The following PER2 variants were observed in gnomAD, a reference collection of about 807,000 sequenced individuals.
PER2 encodes period circadian protein homolog 2.
PER2 carries 66 observed loss-of-function variants against 121.0 expected under a neutral mutation model. That is an observed-to-expected ratio of 0.55 (90% confidence interval 0.45 to 0.67). The LOEUF (loss-of-function observed/expected upper bound fraction) is 0.67. PER2 is among the 30% of genes least tolerant of loss of function. PER2 has a pLI of 0.00. For missense variants in PER2, 1,521 were observed against 1,635.0 expected (o/e 0.93, Z 1.20); for synonymous variants, 684 against 659.9 (o/e 1.04, Z -0.56).
chr2:238,275,856 A>G lies in PER2; in HGVS notation c.335T>C (p.Ile112Thr). The G allele has an allele frequency of 1.2e-6, 2 of 1,614,184 alleles. No individual in the cohort carries two copies. The highest frequency in any genetic ancestry group is 1.7e-6 in the Non-Finnish European group (2 of 1,180,018). ...GACCTTCAGCTCCTTTAGTGTTTTT[A>G]TCAGTTCTTTGTGTGTGTCCACTTT... ...SSKVDTHKEL[I>T]KTLKELKVHL... Residue 112 changes from isoleucine to threonine, a missense_variant, in exon 4 of 23, where the codon ATA becomes ACA. Ile to Thr is a moderately conservative substitution (Grantham distance 89). Transcript: ENST00000254657.
chr2:238,299,496 C>G, the PER2 span: 1 of 152,140 alleles, frequency 6.6e-6, no homozygotes, highest in African/African-American at 2.4e-5. Context: ...GAGTCGAGAT[C>G]ACGCCACTGC....
upstream of PER2, among the ~76,000 whole-genome samples, chr2:238,293,111 A>C (rs1398290637): frequency 1.3e-5 from 2 of 151,736 alleles, no homozygotes; most frequent in Non-Finnish European, 2.9e-5. Context: ...TTACTTCAAA[A>C]ATACCTCTCC....
At position 238,265,732 on chromosome 2, in the gene PER2, A is replaced by G. The variant is rs1370763890; in HGVS notation, c.968-142T>C. On this transcript the variant is annotated intron_variant, in intron 8 of 22. Coordinates refer to ENST00000254657, the MANE Select transcript of PER2 (RefSeq NM_022817.3). Reference sequence around the variant, plus strand: ...AATTAAAACATGGACTCTGAACAACAGAGACTGCCACACTGAGAACCTTAT... The same window carrying G: ...AATTAAAACATGGACTCTGAACAACGGAGACTGCCACACTGAGAACCTTAT... 42 of 651,590 alleles carry G rather than the reference A, an allele frequency of 6.4e-5. No individual in the cohort carries two copies. The East Asian group carries it at 1.2e-3, about 18-fold the overall frequency. 40.4% of individuals were successfully genotyped at this position (651,590 alleles called of 1,614,324 possible).
At chr2:238,291,169 G>T (rs748662553), upstream of PER2, among the ~76,000 whole-genome samples, 2 of 152,214 alleles carry the variant, frequency 1.3e-5, no homozygotes, top group Non-Finnish European at 2.9e-5. Flanking sequence ...AGGTGGAGTG[G>T]TAAGCCAGGG....
In PER2 at chr2:238,245,042, T is replaced by TAAAAAAAA. The variant is rs71402776; in HGVS notation, c.*1325_*1332dup. On this transcript the variant is annotated 3_prime_UTR_variant, in exon 23 of 23. Transcript: ENST00000254657. Reference sequence around the variant, plus strand: ...AGCCTGGGCAAAAAGAAACTCCATCTAAAAAAAAAAAAAAAAAAAAAAAAA... The same window carrying TAAAAAAAA: ...AGCCTGGGCAAAAAGAAACTCCATCTAAAAAAAAAAAAAAAAAAAAAAAAAAAAAAAAA... 5 of 40,976 alleles carry TAAAAAAAA rather than the reference T, an allele frequency of 1.2e-4. No individual in the cohort carries two copies. Among genetic ancestry groups the TAAAAAAAA allele is most frequent in the South Asian group, 8.8e-4 (1 of 1,136 alleles). The allele number at this position is 40,976 out of a possible 1,614,324, so 2.5% of individuals were successfully genotyped here. A position where few individuals can be genotyped will look rare whatever the true frequency, so the allele number is the denominator to read the frequency against.
At chr2:238,256,213 A>G (rs1246418998) in intron 17 of PER2, among the ~76,000 whole-genome samples, 1 of 152,190 alleles carries the variant, frequency 6.6e-6, no homozygotes. Flanking sequence ...GGCTGTCCTT[A>G]GCTTTCAGAA....
chr2:238,264,616 A>C (rs545132481), intron 9 of PER2, among the ~76,000 whole-genome samples: 9 of 152,114 alleles, frequency 5.9e-5, no homozygotes, highest in Admixed American at 2.0e-4. Context: ...CCAGTGGCCC[A>C]CACATTTTTT....
rs754660511 is a variant in PER2, at chr2:238,280,394, CA to C, written c.-19-2440del. 1.7e-3 allele frequency among the ~76,000 whole-genome samples: 255 copies of C among 152,342 alleles called. 2 individuals carry two copies. The highest frequency in any genetic ancestry group is 2.7e-3 in the Non-Finnish European group (184 of 68,036). On this transcript the variant is annotated intron_variant, in intron 1 of 22. Coordinates refer to ENST00000254657, the MANE Select transcript of PER2 (RefSeq NM_022817.3). The stretch of plus-strand genomic sequence containing the variant: ...AAACTAATAAACAGAAGAAAGCCAA[CA>C]CGGGGCTGTGGAAAACACACACAGC...
intron 8 of PER2, among the ~76,000 whole-genome samples, chr2:238,267,237 C>T (rs905598663): frequency 1.3e-5 from 2 of 152,272 alleles, no homozygotes; most frequent in East Asian, 3.9e-4. Flanking sequence ...GGGATTTCGG[C>T]CAATACAAGG....
In PER2 at chr2:238,265,967, G is replaced by A. The variant is rs549596252; in HGVS notation, c.968-377C>T. On this transcript the variant is annotated intron_variant, in intron 8 of 22. Transcript: ENST00000254657. Reference sequence around the variant, plus strand: ...TGCCCAGGCTGCAGTGCAGTGGCACGATCTCGGCTCATTGCAACCTCCGCC... The same window carrying A: ...TGCCCAGGCTGCAGTGCAGTGGCACAATCTCGGCTCATTGCAACCTCCGCC... Among the ~76,000 whole-genome samples, 11 of 151,088 alleles carry A rather than the reference G, an allele frequency of 7.3e-5. No individual in the cohort carries two copies. In the South Asian group the frequency reaches 1.5e-3, roughly 20 times the overall value.
chr2:238,260,330 C>T (rs1695889481), intron 13 of PER2, among the ~76,000 whole-genome samples: 1 of 151,804 alleles, frequency 6.6e-6, no homozygotes, highest in South Asian at 2.1e-4. Context: ...AATCTTGTCT[C>T]TCTGCAACCT....
intron 1 of PER2, among the ~76,000 whole-genome samples, chr2:238,286,223 C>A (rs1240636414): frequency 6.6e-6 from 1 of 152,188 alleles, no homozygotes; most frequent in Non-Finnish European, 1.5e-5. Context: ...GGCATCTGCT[C>A]CTCCTGTACC....
Position 238,253,512 on chromosome 2 carries a change from G to T in PER2, c.2511C>A (p.Ser837=). 1 of 1,611,898 alleles carries T rather than the reference G, an allele frequency of 6.2e-7. No individual in the cohort carries two copies. The highest frequency in any genetic ancestry group is 2.2e-5 in the East Asian group (1 of 44,828). ...AGGGCACGGCTGGGCAGCTGGACTG[G>T]GACGTGTCTGAGGGTGACCAGGCTG... is the stretch of plus-strand genomic sequence containing the variant. ...NATAWSPSDT[S]QSSCPAVPFP... is the part of the protein sequence containing the mutation. The change falls in exon 19 of 23, where the codon TCC becomes TCA. Residue 837 remains serine, a synonymous_variant. Coordinates refer to ENST00000254657, the MANE Select transcript of PER2 (RefSeq NM_022817.3). This position sits in a 1 kb window ranked among gnomAD's most constrained non-coding sequence, Gnocchi z 5.6.
intron 5 of PER2, among the ~76,000 whole-genome samples, chr2:238,272,468 C>A (rs1696319114): frequency 6.6e-6 from 1 of 152,208 alleles, no homozygotes; most frequent in African/African-American, 2.4e-5. Flanking sequence ...TTGGGGGCTG[C>A]CTGGGGGTTA....
In PER2 at chr2:238,245,842, G is replaced by T. The variant is rs1358272830; in HGVS notation, c.*533C>A. On this transcript the variant is annotated 3_prime_UTR_variant, in exon 23 of 23. Transcript: ENST00000254657. ...AACAACGCTTCACACCATTTAATGT[G>T]AAACGTTTTGAAATAAAACTAGGAG... The T allele has an allele frequency of 2.5e-6, 1 of 393,946 alleles. No individual in the cohort carries two copies. Among genetic ancestry groups the T allele is most frequent in the Non-Finnish European group, 4.5e-6 (1 of 223,798 alleles). 24.4% of individuals were successfully genotyped at this position (393,946 alleles called of 1,614,324 possible).
rs749720713 is a variant in PER2 at position 238,252,649 on chromosome 2, C to G, written c.3111+263G>C. On this transcript the variant is annotated intron_variant, in intron 19 of 22. Coordinates refer to ENST00000254657, the MANE Select transcript of PER2 (RefSeq NM_022817.3). The surrounding 1 kb of genome is among the most constrained non-coding windows in gnomAD (Gnocchi z 4.2). ...TCGAAGCCCACAAATACTGTCAAGT[C>G]ACATGCTGCTTTCTGGAGTCTGTAT... Among the ~76,000 whole-genome samples the G allele has an allele frequency of 2.0e-5, 3 of 152,256 alleles. No individual in the cohort carries two copies. The highest frequency in any genetic ancestry group is 2.9e-5 in the Non-Finnish European group (2 of 68,050).
At position 238,251,628 on chromosome 2, in the gene PER2, A is replaced by G; in HGVS notation, c.3245T>C (p.Leu1082Pro). 3.7e-6 allele frequency: 6 copies of G among 1,614,180 alleles called. No individual in the cohort carries two copies. The highest frequency in any genetic ancestry group is 1.1e-5 in the South Asian group (1 of 91,084). The change falls in exon 20 of 23, where the codon CTG becomes CCG. Residue 1082 changes from leucine to proline, a missense_variant. Physicochemically the swap from Leu to Pro is moderately conservative, Grantham distance 98. Transcript: ENST00000254657. ...CCCACTCGGGGAGGCGTCGCAGCCC[A>G]GTGAGCCGGAGCCCAGAGACTCCGA... ...AASESLGSGS[L>P]GCDASPSGAG...
chr2:238,263,115 C>T (rs1695986393), intron 9 of PER2, 57 bp from the exon 10 acceptor site: 9 of 1,002,856 alleles, frequency 9.0e-6, no homozygotes, highest in Non-Finnish European at 1.1e-5. Context: ...AGGAGATTGT[C>T]ACTAAGAACC....
intron 9 of PER2, among the ~76,000 whole-genome samples, chr2:238,263,445 G>GAA (rs1280174770): frequency 1.3e-5 from 2 of 152,030 alleles, no homozygotes; most frequent in Non-Finnish European, 2.9e-5. Context: ...CTGGGCCTCG[G>GAA]AAAACCCTTT....
Sources: allele counts gnomAD v4.1 joint callset (sites outside exome capture counted in the v4.1 genomes callset), GRCh38; gene constraint gnomAD v4.1.1; non-coding constraint Gnocchi (gnomAD v3.1); transcripts MANE v1.5; gene names NCBI Gene and HGNC (gene_info 2026-07-23, HGNC 2026-07-21).